IGDCC3: variants seen among roughly 807,000 people sequenced by gnomAD.
The protein encoded by IGDCC3 is putative neuronal cell adhesion molecule.
Under a neutral mutation model 72.0 loss-of-function variants are expected in IGDCC3, and 47 were observed. That is an observed-to-expected ratio of 0.65 (90% CI 0.52 to 0.83). The LOEUF is 0.83. Ranked by LOEUF, IGDCC3 falls within the 40% of genes least tolerant of loss-of-function variation. The probability of loss-of-function intolerance (pLI) is 0.00; values close to 1 mark genes in which losing one functional copy is unlikely to be tolerated. For synonymous variants in IGDCC3, 477 were observed against 472.8 expected (o/e 1.01, Z -0.11); for missense variants, 1,038 against 1,091.3 (o/e 0.95, Z 0.69).
At chr15:65,371,801 C>G (rs376847961) in intron 2 of IGDCC3, among the ~76,000 whole-genome samples, 4 of 152,210 alleles carry the variant, frequency 2.6e-5, no homozygotes, top group Non-Finnish European at 4.4e-5. Context: ...TTCAGGCACA[C>G]AGGCCTCAGG....
At chr15:65,347,356 T>C (rs2091132940) in intron 2 of IGDCC3, among the ~76,000 whole-genome samples, 1 of 152,216 alleles carries the variant, frequency 6.6e-6, no homozygotes, top group South Asian at 2.1e-4. Context: ...GACCTTTTGG[T>C]TCCAACCTTG....
chr15:65,335,548 C>A lies in IGDCC3; in HGVS notation c.555-127G>T. 3 of 1,030,394 alleles carry A rather than the reference C, an allele frequency of 2.9e-6. No homozygotes were observed. The South Asian group carries it at 4.5e-5, about 16-fold the overall frequency. The allele number at this position is 1,030,394 out of a possible 1,614,324, so 63.8% of individuals were successfully genotyped here. A position where few individuals can be genotyped will look rare whatever the true frequency, so the allele number is the denominator to read the frequency against. ...CACCATCCCAACATCAGCAGACACA[C>A]ACTGGGACTTTCAAAGGTGGACACA... On this transcript the variant is annotated intron_variant, in intron 3 of 13. Coordinates refer to ENST00000327987, the MANE Select transcript of IGDCC3 (RefSeq NM_004884.4).
intron 2 of IGDCC3, among the ~76,000 whole-genome samples, chr15:65,347,653 G>A (rs760306903): frequency 6.6e-6 from 1 of 152,202 alleles, no homozygotes; most frequent in Non-Finnish European, 1.5e-5. Context: ...GTGGCAGGCC[G>A]GGAGTGGTGG....
chr15:65,360,065 C>G (rs1282205228), intron 2 of IGDCC3, among the ~76,000 whole-genome samples: 2 of 152,188 alleles, frequency 1.3e-5, no homozygotes, highest in African/African-American at 4.8e-5. Flanking sequence ...CCTTTCCCCA[C>G]AATGTTTGCA....
At position 65,327,968 on chromosome 15, in the gene IGDCC3, G is replaced by C. The variant is rs934736059; in HGVS notation, c.*941C>G. ...AAAATGGGAGTGGACAGACAAGACG[G>C]GGACAGGCGGTGTGCTGGGAGGTGG... On this transcript the variant is annotated 3_prime_UTR_variant, in exon 14 of 14. Transcript: ENST00000327987. 10 of 152,828 alleles carry C rather than the reference G, an allele frequency of 6.5e-5. No individual in the cohort carries two copies. Among genetic ancestry groups the C allele is most frequent in the Admixed American group, 4.6e-4 (7 of 15,304 alleles). The allele number at this position is 152,828 out of a possible 1,614,324, so 9.5% of individuals were successfully genotyped here.
At chr15:65,348,303 G>A (rs111663115) in intron 2 of IGDCC3, among the ~76,000 whole-genome samples, 2,625 of 152,158 alleles carry the variant, frequency 0.017, 74 homozygotes, top group African/African-American at 0.06. Flanking sequence ...CTGCAGACTC[G>A]CCCTGAATTC....
At chr15:65,366,080 C>T (rs1414312261) in intron 2 of IGDCC3, among the ~76,000 whole-genome samples, 4 of 151,856 alleles carry the variant, frequency 2.6e-5, no homozygotes, top group African/African-American at 4.8e-5. Context: ...TGGTGGCAGG[C>T]GCCTGTAGTC....
chr15:65,330,624 G>C lies in IGDCC3; in HGVS notation c.1679C>G (p.Pro560Arg), dbSNP rs764593539. Reference sequence around the variant, plus strand: ...GCCGGTGAAGGAGGTCTTGCTTGCTGGGCGGTAAAACAGCTTGAAGCCGCC... The same window carrying C: ...GCCGGTGAAGGAGGTCTTGCTTGCTCGGCGGTAAAACAGCTTGAAGCCGCC... ...HEGGFKLFYR[P>R]ASKTSFTGPI... The change falls in exon 10 of 14, where the codon CCA becomes CGA. Residue 560 changes from proline to arginine, a missense_variant. Pro to Arg is a moderately radical substitution (Grantham distance 103). Transcript: ENST00000327987. 1.5e-5 allele frequency: 24 copies of C among 1,613,804 alleles called. No homozygotes were observed. Among genetic ancestry groups the C allele is most frequent in the Non-Finnish European group, 2.0e-5 (24 of 1,179,960 alleles).
chr15:65,353,087 G>T (rs773409502), intron 2 of IGDCC3, among the ~76,000 whole-genome samples: 1 of 152,116 alleles, frequency 6.6e-6, no homozygotes, highest in Non-Finnish European at 1.5e-5. Context: ...CCAGTTAATG[G>T]AAACCCTTCT....
chr15:65,365,371 T>C (rs898251586), intron 2 of IGDCC3, among the ~76,000 whole-genome samples: 3 of 152,048 alleles, frequency 2.0e-5, no homozygotes, highest in Non-Finnish European at 4.4e-5. Flanking sequence ...CACATTCCAA[T>C]GGCCTTGGGG....
intron 2 of IGDCC3, among the ~76,000 whole-genome samples, chr15:65,368,314 G>A (rs1027324894): frequency 2.6e-5 from 4 of 151,452 alleles, no homozygotes; most frequent in South Asian, 4.2e-4. Flanking sequence ...GTTAAGGGGG[G>A]CTGGGGGCCT....
At chr15:65,340,085 A>C (rs928997618) in intron 2 of IGDCC3, among the ~76,000 whole-genome samples, 3 of 152,176 alleles carry the variant, frequency 2.0e-5, no homozygotes, top group Admixed American at 6.5e-5. Context: ...GAGGGCAGAG[A>C]GTGAGCTTAG....
intron 2 of IGDCC3, among the ~76,000 whole-genome samples, chr15:65,374,531 G>C (rs927502620): frequency 6.6e-6 from 1 of 152,122 alleles, no homozygotes; most frequent in Admixed American, 6.6e-5. Context: ...ATGAAGGTGA[G>C]TAGGAGTGAT....
rs201707378 is a variant in IGDCC3, at chr15:65,339,069, A to AT, written c.410-3114dup. On this transcript the variant is annotated intron_variant, in intron 2 of 13. Transcript: ENST00000327987. The surrounding 1 kb of genome is among the most constrained non-coding windows in gnomAD (Gnocchi z 4.1). ...AAGCGCGCACCACCACGCCCAGCTA[A>AT]TTTTTTAATTTCTTTTTTCTTTTTC... 8.5e-3 allele frequency among the ~76,000 whole-genome samples: 1,297 copies of AT among 151,936 alleles called. 15 individuals carry two copies. Among genetic ancestry groups the AT allele is most frequent in the African/African-American group, 0.03 (1,232 of 41,420 alleles).
At chr15:65,345,074 G>T (rs2091114572) in intron 2 of IGDCC3, among the ~76,000 whole-genome samples, 1 of 152,226 alleles carries the variant, frequency 6.6e-6, no homozygotes, top group African/African-American at 2.4e-5. Flanking sequence ...CCTGGTTTTT[G>T]GTTTGGGAAA....
At chr15:65,349,174 A>T (rs920685428) in intron 2 of IGDCC3, among the ~76,000 whole-genome samples, 1 of 152,240 alleles carries the variant, frequency 6.6e-6, no homozygotes, top group African/African-American at 2.4e-5. Flanking sequence ...AAGTCTTGAC[A>T]GTTTGATATT....
intron 2 of IGDCC3, among the ~76,000 whole-genome samples, chr15:65,344,769 C>T (rs1407063448): frequency 2.0e-5 from 3 of 152,220 alleles, no homozygotes; most frequent in East Asian, 3.9e-4. Context: ...GTTCTTCCTC[C>T]AGATCAAGCC....
intron 2 of IGDCC3, among the ~76,000 whole-genome samples, chr15:65,374,625 T>A (rs2091346796): frequency 1.3e-5 from 2 of 152,146 alleles, no homozygotes; most frequent in Admixed American, 1.3e-4. Flanking sequence ...TCATTACTGG[T>A]ATATAGAGGT....
chr15:65,331,163 T>A lies in IGDCC3; in HGVS notation c.1448A>T (p.His483Leu), dbSNP rs1322601861. The change falls in exon 9 of 14, where the codon CAC becomes CTC. Residue 483 changes from histidine to leucine, a missense_variant. His to Leu is a moderately conservative substitution (Grantham distance 99, BLOSUM62 -3). Coordinates refer to ENST00000327987, the MANE Select transcript of IGDCC3 (RefSeq NM_004884.4). ...QEAVSKSTFQ[H>L]LVSDLEPSTA... ...GGAGGGCTCCAGGTCGCTGACCAGG[T>A]GCTGAAAGGTGCTCTTGCTGACTGC... 1 of 1,614,012 alleles carries A rather than the reference T, an allele frequency of 6.2e-7. No individual in the cohort carries two copies. Among genetic ancestry groups the A allele is most frequent in the Non-Finnish European group, 8.5e-7 (1 of 1,179,972 alleles).
Sources: allele counts gnomAD v4.1 joint callset (sites outside exome capture counted in the v4.1 genomes callset), GRCh38; gene constraint gnomAD v4.1.1; non-coding constraint Gnocchi (gnomAD v3.1); transcripts MANE v1.5; gene names NCBI Gene and HGNC (gene_info 2026-07-23, HGNC 2026-07-21).